The following NCKAP5 variants were observed in gnomAD, a reference collection of about 807,000 sequenced individuals.
The protein encoded by NCKAP5 is nck-associated protein 5.
Under a neutral mutation model 167.0 loss-of-function variants are expected in NCKAP5, and 92 were observed. That is an observed-to-expected ratio of 0.55 (90% CI 0.47 to 0.66). NCKAP5 has a LOEUF of 0.66. Among genes scored for constraint, NCKAP5 ranks in the 30% least tolerant of loss-of-function variants. NCKAP5 has a pLI of 0.00. For missense variants in NCKAP5, 2,378 were observed against 2,315.0 expected, an observed-to-expected ratio of 1.03 and a Z score of -0.56; for synonymous variants, 891 against 877.4, an observed-to-expected ratio of 1.02 and a Z score of -0.27.
At chr2:133,516,266 GACACAC>G (rs1338069417) in intron 3 of NCKAP5, among the ~76,000 whole-genome samples, 5 of 152,068 alleles carry the variant, frequency 3.3e-5, no homozygotes, top group African/African-American at 1.2e-4. Flanking sequence ...TACACACAGA[GACACAC>G]ACACAGACAC....
Position 133,491,370 on chromosome 2 carries a change from G to A in NCKAP5, c.69+26088C>T, listed in dbSNP as rs957072563. On this transcript the variant is annotated intron_variant, in intron 3 of 19. Transcript: ENST00000409261. ...TACTTCTAATAAGGTGGTCAGGGAA[G>A]GCTGTCTGGGAGGGTGGTGGAGCAG... 2.0e-5 allele frequency among the ~76,000 whole-genome samples: 3 copies of A among 152,166 alleles called. No homozygotes were observed. The East Asian group carries it at 5.8e-4, about 29-fold the overall frequency.
At chr2:133,048,742 C>A (rs777097170) in intron 6 of NCKAP5, among the ~76,000 whole-genome samples, 4 of 152,094 alleles carry the variant, frequency 2.6e-5, no homozygotes, top group Admixed American at 2.6e-4. Context: ...AATAGAATAA[C>A]GACAATTGTT....
intron 11 of NCKAP5, among the ~76,000 whole-genome samples, chr2:132,839,135 G>A (rs577328113): frequency 5.3e-5 from 8 of 152,138 alleles, no homozygotes; most frequent in South Asian, 2.1e-4. Flanking sequence ...ATACTGCCCC[G>A]TAAAATCTAT....
chr2:133,108,540 T>C (rs993821017), intron 6 of NCKAP5, among the ~76,000 whole-genome samples: 1 of 152,224 alleles, frequency 6.6e-6, no homozygotes, highest in African/African-American at 2.4e-5. Flanking sequence ...TAGCCTTTCC[T>C]TACATAAAAA....
At chr2:132,923,056 T>C (rs1382652102) in intron 8 of NCKAP5, among the ~76,000 whole-genome samples, 1 of 152,202 alleles carries the variant, frequency 6.6e-6, no homozygotes, top group Admixed American at 6.5e-5. Context: ...TGTGGAGAGA[T>C]GGTGCTACAG....
intron 8 of NCKAP5, among the ~76,000 whole-genome samples, chr2:132,886,505 C>G (rs934043915): frequency 3.6e-4 from 55 of 152,336 alleles, no homozygotes; most frequent in African/African-American, 1.3e-3. Context: ...CCTCAGGTGT[C>G]CCTGTCTAGT....
intron 6 of NCKAP5, among the ~76,000 whole-genome samples, chr2:133,026,977 G>C (rs2078719006): frequency 6.6e-6 from 1 of 152,174 alleles, no homozygotes; most frequent in Non-Finnish European, 1.5e-5. Context: ...CACCAGGGCA[G>C]TTCATTCCAA....
chr2:133,368,605 C>T (rs1002047014), intron 3 of NCKAP5, among the ~76,000 whole-genome samples: 1 of 152,160 alleles, frequency 6.6e-6, no homozygotes, highest in Non-Finnish European at 1.5e-5. Flanking sequence ...GGACTCAAGG[C>T]CTTTGACTCC....
At position 132,672,911 on chromosome 2, in the gene NCKAP5, G is replaced by T; in HGVS notation, c.*378C>A. 1 of 960,352 alleles carries T rather than the reference G, an allele frequency of 1.0e-6. No homozygotes were observed. Among genetic ancestry groups the T allele is most frequent in the Non-Finnish European group, 1.2e-6 (1 of 806,144 alleles). 59.5% of individuals were successfully genotyped at this position (960,352 alleles called of 1,614,324 possible). The stretch of plus-strand genomic sequence containing the variant: ...GCCTGCTGTGAATTTGACAAGGAAG[G>T]CTCTGGTACTGCAATAGTTTATTGT... On this transcript the variant is annotated 3_prime_UTR_variant, in exon 20 of 20. Coordinates refer to ENST00000409261, the MANE Select transcript of NCKAP5 (RefSeq NM_207363.3).
At chr2:133,631,403 T>C in the NCKAP5 span, among the ~76,000 whole-genome samples, 1 of 152,248 alleles carries the variant, frequency 6.6e-6, no homozygotes, top group Non-Finnish European at 1.5e-5. Context: ...CTGACTGGGA[T>C]GTTCTGTTTA....
At chr2:133,082,750 A>G (rs1308325992) in intron 6 of NCKAP5, among the ~76,000 whole-genome samples, 1 of 152,184 alleles carries the variant, frequency 6.6e-6, no homozygotes, top group Admixed American at 6.6e-5. Flanking sequence ...GTTTTGAGCT[A>G]ATGCCTCCTG....
chr2:133,575,665 G>A, the NCKAP5 span, among the ~76,000 whole-genome samples: 10 of 152,124 alleles, frequency 6.6e-5, no homozygotes, highest in Non-Finnish European at 7.4e-5. Context: ...GGTTCCATTC[G>A]GTTCCATAAA....
At chr2:133,019,810 C>G (rs957145043) in intron 6 of NCKAP5, among the ~76,000 whole-genome samples, 3 of 152,218 alleles carry the variant, frequency 2.0e-5, no homozygotes, top group Non-Finnish European at 4.4e-5. Flanking sequence ...TTAACTTCCT[C>G]TGAGACAGGC....
chr2:132,852,961 A>G (rs955552135), intron 11 of NCKAP5, among the ~76,000 whole-genome samples: 6 of 152,186 alleles, frequency 3.9e-5, no homozygotes, highest in Non-Finnish European at 8.8e-5. Context: ...TGTCTAAACT[A>G]TCTCTGTGTC....
rs147123775 is a variant in NCKAP5, at chr2:133,259,044, C to T, written c.143+43993G>A. ...ACCCATATTAATGGGTCTCTGCTAC[C>T]GCTCCACCTCCACCTCCCACCCTCT... On this transcript the variant is annotated intron_variant, in intron 4 of 19. Transcript: ENST00000409261. Among the ~76,000 whole-genome samples, 82 of 152,152 alleles carry T rather than the reference C, an allele frequency of 5.4e-4. 2 individuals carry two copies. The East Asian group carries it at 0.015, about 27-fold the overall frequency.
At chr2:133,374,294 A>G (rs1442299815) in intron 3 of NCKAP5, among the ~76,000 whole-genome samples, 1 of 152,230 alleles carries the variant, frequency 6.6e-6, no homozygotes, top group Non-Finnish European at 1.5e-5. Flanking sequence ...GACACTCTAG[A>G]AAAGGAAAAG....
intron 10 of NCKAP5, among the ~76,000 whole-genome samples, chr2:132,864,874 A>ACTT (rs1690219587): frequency 6.6e-6 from 1 of 152,206 alleles, no homozygotes. Flanking sequence ...TTCATTGTCC[A>ACTT]CAGGGCCTTG....
chr2:133,495,756 G>A (rs976840327), intron 3 of NCKAP5, among the ~76,000 whole-genome samples: 3 of 152,226 alleles, frequency 2.0e-5, no homozygotes, highest in African/African-American at 7.2e-5. Flanking sequence ...CATCTGGGTA[G>A]TGTAAATAGT....
chr2:133,140,017 A>G (rs938658484), intron 5 of NCKAP5, among the ~76,000 whole-genome samples: 1 of 152,196 alleles, frequency 6.6e-6, no homozygotes, highest in African/African-American at 2.4e-5. Flanking sequence ...TTGACTTAGA[A>G]AAGAGCTTTA....
Sources: gnomAD v4.1 joint callset for allele counts (sites outside exome capture counted in the v4.1 genomes callset) on GRCh38, gnomAD v4.1.1 for gene constraint, MANE v1.5 for transcripts, NCBI Gene and HGNC (gene_info 2026-07-23, HGNC 2026-07-21) for gene names.